The following ATG14 variants were observed in gnomAD, a reference collection of about 807,000 sequenced individuals.
The protein encoded by ATG14 is autophagy related 14.
ATG14 carries 35 observed loss-of-function variants against 60.4 expected under a neutral mutation model. The ratio of observed to expected loss-of-function variants is 0.58; its 90% CI spans 0.44 to 0.77. The LOEUF is 0.77. Ranked by LOEUF, ATG14 falls within the 30% of genes least tolerant of loss-of-function variation. The pLI is 0.00. For missense variants in ATG14, 647 were observed against 626.3 expected (o/e 1.03, Z -0.35); for synonymous variants, 234 against 228.8 (o/e 1.02, Z -0.21).
rs554737670 is a variant in ATG14 at position 55,380,651 on chromosome 14, G to A, written c.917C>T (p.Ala306Val). ...QSNPAYTISA[A>V]LCYATQLVNI... is the part of the protein sequence containing the mutation. ...GACCAGCTGAGTTGCATAGCACAGC[G>A]CAGCACTGATGGTGTAGGCAGGGTT... The change falls in exon 7 of 10, where the codon GCG (alanine) becomes GTG (valine). Residue 306 changes from alanine (A) to valine (V), a missense_variant. By Grantham distance (64) the Ala-to-Val change is moderately conservative. Transcript: ENST00000247178. 22 of 1,612,372 alleles carry A rather than the reference G, an allele frequency of 1.4e-5. No homozygotes were observed. The highest frequency in any genetic ancestry group is 2.2e-5 in the East Asian group (1 of 44,794).
intron 9 of ATG14, among the ~76,000 whole-genome samples, chr14:55,373,023 GAT>G: frequency 6.6e-6 from 1 of 152,282 alleles, no homozygotes; most frequent in South Asian, 2.1e-4. Flanking sequence ...AGGCCCCTGC[GAT>G]GTTTCTCCAC....
At chr14:55,387,059 C>G (rs1433244250) in intron 4 of ATG14, among the ~76,000 whole-genome samples, 2 of 151,964 alleles carry the variant, frequency 1.3e-5, no homozygotes, top group African/African-American at 4.8e-5. Flanking sequence ...CTATCACAAT[C>G]CTAGTTAACG....
intron 3 of ATG14, chr14:55,395,087 T>C: frequency 2.0e-6 from 1 of 504,294 alleles, no homozygotes; most frequent in Admixed American, 2.1e-5. Context: ...GTTTGCACTT[T>C]TTTGTCTGAA....
intron 9 of ATG14, among the ~76,000 whole-genome samples, chr14:55,370,263 C>T (rs548696542): frequency 9.8e-4 from 149 of 152,216 alleles, no homozygotes; most frequent in South Asian, 2.1e-3. Context: ...GCAGTGTCTA[C>T]GAAGTAAATA....
rs753865627 is a variant in ATG14, at chr14:55,386,027, T to C, written c.479A>G (p.Glu160Gly). 1 of 1,614,082 alleles carries C rather than the reference T, an allele frequency of 6.2e-7. No homozygotes were observed. The highest frequency in any genetic ancestry group is 8.5e-7 in the Non-Finnish European group (1 of 1,180,030). ...KLYSRAQRHQEKKEKIQRHNR... is the reference protein window; with the variant it reads ...KLYSRAQRHQGKKEKIQRHNR... ...ATGCCTCTGAATCTTCTCCTTTTTCTCTTGGTGCCGTTGTGCTCGACTGTA... is the reference window on the plus strand; with the variant it reads ...ATGCCTCTGAATCTTCTCCTTTTTCCCTTGGTGCCGTTGTGCTCGACTGTA... Residue 160 changes from glutamate to glycine, a missense_variant, in exon 5 of 10, where the codon GAG becomes GGG. Transcript: ENST00000247178.
intron 1 of ATG14, among the ~76,000 whole-genome samples, chr14:55,402,955 ATATATATATAT>A (rs1566585733): frequency 7.7e-5 from 6 of 77,930 alleles, no homozygotes; most frequent in Non-Finnish European, 1.3e-4. Flanking sequence ...ATATATATAT[ATATATATATAT>A]ATAAATAGCT....
At position 55,369,645 on chromosome 14, in the gene ATG14, A is replaced by G. The variant is rs752553206; in HGVS notation, c.1453T>C (p.Phe485Leu). 6.5e-7 allele frequency: 1 copy of G among 1,541,258 alleles called. No homozygotes were observed. The highest frequency in any genetic ancestry group is 8.8e-7 in the Non-Finnish European group (1 of 1,142,218). Residue 485 changes from phenylalanine (F) to leucine (L), a missense_variant, in exon 10 of 10, where the codon TTT becomes CTT. Phe to Leu is a conservative substitution (Grantham distance 22). Coordinates refer to ENST00000247178, the MANE Select transcript of ATG14 (RefSeq NM_014924.5). ...SSAAASVTSW[F>L]KAYTGHR The stretch of plus-strand genomic sequence containing the variant: ...TAACGGTGTCCAGTGTAAGCTTTAA[A>G]CCAGGAGGTCACCGAGGCTGCTGCA...
intron 9 of ATG14, among the ~76,000 whole-genome samples, chr14:55,370,529 T>C (rs1884790202): frequency 6.6e-6 from 1 of 152,110 alleles, no homozygotes; most frequent in African/African-American, 2.4e-5. Context: ...TTCTCAAAGG[T>C]CCCTAATAAC....
At position 55,380,624 on chromosome 14, in the gene ATG14, T is replaced by C; in HGVS notation, c.944A>G (p.Asn315Ser). The change falls in exon 7 of 10, where the codon AAC (asparagine) becomes AGC (serine). Residue 315 changes from asparagine to serine, a missense_variant. Physicochemically the swap from Asn to Ser is conservative, Grantham distance 46. Coordinates refer to ENST00000247178, the MANE Select transcript of ATG14 (RefSeq NM_014924.5). ...TACATCAAGTATATGAGACAGAATG[T>C]TGACCAGCTGAGTTGCATAGCACAG... ...AALCYATQLV[N>S]ILSHILDVNL... is the part of the protein sequence containing the mutation. The C allele has an allele frequency of 3.1e-6, 5 of 1,613,472 alleles. No individual in the cohort carries two copies. The highest frequency in any genetic ancestry group is 1.7e-5 in the Admixed American group (1 of 59,914).
chr14:55,367,106 T>A lies in ATG14; in HGVS notation c.*2513A>T, dbSNP rs149169223. On this transcript the variant is annotated 3_prime_UTR_variant, in exon 10 of 10. Coordinates refer to ENST00000247178, the MANE Select transcript of ATG14 (RefSeq NM_014924.5). ...CACATCTTTGTAAATTTTGTGGAAG[T>A]ACTCTAGATGAGTTTGTGATCTCTG... 39 of 152,698 alleles carry A rather than the reference T, an allele frequency of 2.6e-4. No homozygotes were observed. The highest frequency in any genetic ancestry group is 1.5e-5 in the Non-Finnish European group (1 of 68,038). The allele number at this position is 152,698 out of a possible 1,614,324, so 9.5% of individuals were successfully genotyped here.
At chr14:55,370,014 G>A (rs1390136661) in intron 9 of ATG14, 89 bp from the exon 10 acceptor site, 4 of 1,308,748 alleles carry the variant, frequency 3.1e-6, no homozygotes, top group Non-Finnish European at 4.2e-6. Flanking sequence ...CTCACCTGAG[G>A]GGATGAGGGA....
At chr14:55,373,786 G>A (rs1383636017) in intron 9 of ATG14, among the ~76,000 whole-genome samples, 2 of 146,278 alleles carry the variant, frequency 1.4e-5, no homozygotes, top group African/African-American at 2.6e-5. Flanking sequence ...TAATTTTTCT[G>A]TAAGTTTAAA....
chr14:55,370,395 A>T (rs1386432852), intron 9 of ATG14, among the ~76,000 whole-genome samples: 1 of 139,496 alleles, frequency 7.2e-6, no homozygotes, highest in Non-Finnish European at 1.6e-5. Flanking sequence ...GTACATATTT[A>T]AAAATATCAC....
At chr14:55,383,832 A>C (rs1260716718) in intron 5 of ATG14, among the ~76,000 whole-genome samples, 2 of 152,186 alleles carry the variant, frequency 1.3e-5, no homozygotes, top group African/African-American at 4.8e-5. Flanking sequence ...AGAACATAGC[A>C]TGCTTGGGGA....
chr14:55,381,930 A>G (rs375978125), intron 6 of ATG14, 32 bp downstream of exon 6: 72 of 1,563,124 alleles, frequency 4.6e-5, no homozygotes, highest in African/African-American at 1.4e-5. Context: ...CTCTCTCTAT[A>G]TATAGATTTC....
rs111920943 is a variant in ATG14 at position 55,380,249 on chromosome 14, AAACAACAAC to A, written c.995+315_995+323del. ...GGCGACAGAGCGAGACTCTGTCTCA[AAACAACAAC>A]AACAACAACAACAACAAATCAAAGA... On this transcript the variant is annotated intron_variant, in intron 7 of 9. Transcript: ENST00000247178. Among the ~76,000 whole-genome samples the A allele has an allele frequency of 4.7e-3, 701 of 150,614 alleles. 33 individuals carry two copies. In the East Asian group the frequency reaches 0.12, roughly 26 times the overall value.
At chr14:55,375,086 G>T (rs1388396660) in intron 9 of ATG14, among the ~76,000 whole-genome samples, 1 of 152,112 alleles carries the variant, frequency 6.6e-6, no homozygotes, top group African/African-American at 2.4e-5. Flanking sequence ...AATCATAAGG[G>T]TTTTCCCTGC....
intron 1 of ATG14, among the ~76,000 whole-genome samples, chr14:55,399,215 G>T (rs1451721052): frequency 6.6e-6 from 1 of 152,016 alleles, no homozygotes; most frequent in African/African-American, 2.4e-5. Context: ...AAAGCAAATA[G>T]GCAATATTAT....
chr14:55,389,576 G>A lies in ATG14; in HGVS notation c.409+1335C>T, dbSNP rs569254290. Among the ~76,000 whole-genome samples the A allele has an allele frequency of 3.3e-5, 5 of 152,308 alleles. No homozygotes were observed. In the East Asian group the frequency reaches 7.7e-4, roughly 24 times the overall value. ...GAGTAGACAAGAAAAAGGGATTCAC[G>A]AGGTCTGATGGTGACTCATTCTAAA... is the stretch of plus-strand genomic sequence containing the variant. On this transcript the variant is annotated intron_variant, in intron 4 of 9. Coordinates refer to ENST00000247178, the MANE Select transcript of ATG14 (RefSeq NM_014924.5).
Sources: allele counts gnomAD v4.1 joint callset (sites outside exome capture counted in the v4.1 genomes callset), GRCh38; gene constraint gnomAD v4.1.1; transcripts MANE v1.5; gene names NCBI Gene and HGNC (gene_info 2026-07-23, HGNC 2026-07-21).